The following LRP1B variants were observed in gnomAD, a reference collection of about 807,000 sequenced individuals.
LRP1B encodes the protein LDL receptor related protein 1B.
A neutral mutation model predicts 556.6 loss-of-function variants in LRP1B; 217 were observed. The ratio of observed to expected loss-of-function variants is 0.39; its 90% CI spans 0.35 to 0.44. The LOEUF (loss-of-function observed/expected upper bound fraction) is 0.44, where lower values mean the gene tolerates loss of function less well. Ranked by LOEUF, LRP1B falls within the 20% of genes least tolerant of loss-of-function variation. The pLI is 1.00. For synonymous variants in LRP1B, 2,047 were observed against 1,865.8 expected (o/e 1.10, Z -2.50); for missense variants, 5,053 against 5,620.8 (o/e 0.90, Z 3.23).
intron 7 of LRP1B, among the ~76,000 whole-genome samples, chr2:141,142,332 A>G (rs1466894602): frequency 1.3e-5 from 2 of 152,200 alleles, no homozygotes; most frequent in East Asian, 3.9e-4. Flanking sequence ...GTTTGCAAAC[A>G]TCGGCTTCAG....
At chr2:140,573,608 A>C (rs1204503866) in intron 43 of LRP1B, among the ~76,000 whole-genome samples, 1 of 152,038 alleles carries the variant, frequency 6.6e-6, no homozygotes, top group Non-Finnish European at 1.5e-5. Flanking sequence ...ATTTGATGAC[A>C]GTCATTCTAT....
chr2:141,780,216 T>C (rs2105636709), intron 2 of LRP1B, among the ~76,000 whole-genome samples: 1 of 152,088 alleles, frequency 6.6e-6, no homozygotes, highest in African/African-American at 2.4e-5. Context: ...TCCAAATGTG[T>C]CAATTATAGG....
intron 42 of LRP1B, among the ~76,000 whole-genome samples, chr2:140,600,763 C>A: frequency 1.9e-5 from 1 of 51,640 alleles, no homozygotes; most frequent in Admixed American, 2.5e-4. Context: ...CTTTGTTCTT[C>A]GGGGTTTTTT....
chr2:141,533,261 T>TAATTCATTAGCGTATGAAATG (rs1275226794), intron 2 of LRP1B, among the ~76,000 whole-genome samples: 1 of 152,356 alleles, frequency 6.6e-6, no homozygotes, highest in African/African-American at 2.4e-5. Flanking sequence ...AAGGTGTTGA[T>TAATTCATTAGCGTATGAAATG]AATTCATTAG....
At chr2:141,711,809 A>C (rs1482017611) in intron 2 of LRP1B, among the ~76,000 whole-genome samples, 2 of 152,080 alleles carry the variant, frequency 1.3e-5, no homozygotes, top group Non-Finnish European at 2.9e-5. Context: ...CTCCAGTTAC[A>C]ACACACTCCA....
intron 55 of LRP1B, 120 bp from the exon 56 acceptor site, chr2:140,495,868 G>T: frequency 1.3e-6 from 1 of 746,840 alleles, no homozygotes; most frequent in Non-Finnish European, 2.1e-6. Flanking sequence ...AAGTCTTTCT[G>T]TCTCCCAGCA....
intron 2 of LRP1B, among the ~76,000 whole-genome samples, chr2:141,731,465 T>C (rs1693270546): frequency 6.6e-6 from 1 of 152,152 alleles, no homozygotes; most frequent in Admixed American, 6.5e-5. Flanking sequence ...AGGTAAAAGT[T>C]ACCTCCATTT....
At chr2:140,492,013 G>C (rs1245373292) in intron 57 of LRP1B, among the ~76,000 whole-genome samples, 2 of 152,170 alleles carry the variant, frequency 1.3e-5, no homozygotes, top group African/African-American at 2.4e-5. Context: ...GACCAATCAG[G>C]AATGTGAGTG....
chr2:141,400,733 T>C (rs113746086), intron 3 of LRP1B, among the ~76,000 whole-genome samples: 6,463 of 152,266 alleles, frequency 0.042, 462 homozygotes, highest in African/African-American at 0.14. Flanking sequence ...GGTCTCAATA[T>C]CTCCATGATT....
At chr2:142,045,139 G>C (rs977765872) in intron 1 of LRP1B, among the ~76,000 whole-genome samples, 1 of 24,590 alleles carries the variant, frequency 4.1e-5, no homozygotes, top group Non-Finnish European at 2.0e-4. Flanking sequence ...ATTACCCAAG[G>C]GGGAAAAAAA....
At chr2:141,599,066 C>CCCCCCCCCG (rs1687639129) in intron 2 of LRP1B, among the ~76,000 whole-genome samples, 5 of 78,708 alleles carry the variant, frequency 6.4e-5, no homozygotes, top group Non-Finnish European at 9.7e-5. Flanking sequence ...CCCCCCCCCC[C>CCCCCCCCCG]CCCCCCCCGC....
intron 1 of LRP1B, among the ~76,000 whole-genome samples, chr2:142,045,509 A>G (rs562259762): frequency 6.6e-6 from 1 of 151,944 alleles, no homozygotes; most frequent in Admixed American, 6.6e-5. Flanking sequence ...ATTGTTATAT[A>G]GGAATTAGGT....
intron 1 of LRP1B, among the ~76,000 whole-genome samples, chr2:142,119,290 G>C (rs923020242): frequency 2.0e-5 from 3 of 151,960 alleles, no homozygotes; most frequent in Admixed American, 6.6e-5. Flanking sequence ...TAATTTCTCT[G>C]GTTGAAGTAA....
intron 7 of LRP1B, among the ~76,000 whole-genome samples, chr2:141,109,247 C>T (rs1317674796): frequency 6.6e-6 from 1 of 152,104 alleles, no homozygotes; most frequent in African/African-American, 2.4e-5. Flanking sequence ...AAATTCAAGC[C>T]TCCAAATTTT....
intron 3 of LRP1B, among the ~76,000 whole-genome samples, chr2:141,282,465 T>TTATGTG (rs377692835): frequency 2.1e-4 from 29 of 135,660 alleles, no homozygotes; most frequent in African/African-American, 8.0e-4. Context: ...CTCGGGGGTT[T>TTATGTG]TATATGTATA....
At chr2:141,141,777 T>C (rs898118170) in intron 7 of LRP1B, among the ~76,000 whole-genome samples, 8 of 152,174 alleles carry the variant, frequency 5.3e-5, no homozygotes, top group African/African-American at 1.9e-4. Flanking sequence ...TTTTTGTCAA[T>C]GAAGACATAT....
intron 41 of LRP1B, among the ~76,000 whole-genome samples, chr2:140,651,426 G>A (rs1355729686): frequency 2.7e-5 from 4 of 146,186 alleles, no homozygotes; most frequent in Admixed American, 7.0e-5. Flanking sequence ...TGGGTGCAGC[G>A]CACCAGCATG....
At chr2:140,850,988 T>A (rs1692440938) in intron 28 of LRP1B, among the ~76,000 whole-genome samples, 1 of 152,128 alleles carries the variant, frequency 6.6e-6, no homozygotes, top group East Asian at 1.9e-4. Flanking sequence ...TATGTTATTA[T>A]GGTGTAAATT....
chr2:140,588,439 G>A (rs1054349330), intron 43 of LRP1B, among the ~76,000 whole-genome samples: 6 of 152,120 alleles, frequency 3.9e-5, no homozygotes, highest in South Asian at 2.1e-4. Context: ...TATACCTGAC[G>A]ACACTATAGA....
Sources: gnomAD v4.1 joint callset for allele counts (sites outside exome capture counted in the v4.1 genomes callset) on GRCh38, gnomAD v4.1.1 for gene constraint, MANE v1.5 for transcripts, NCBI Gene and HGNC (gene_info 2026-07-23, HGNC 2026-07-21) for gene names.